TTC12: variants seen among roughly 807,000 people sequenced by gnomAD.
TTC12 encodes tetratricopeptide repeat protein 12.
Under a neutral mutation model 90.1 loss-of-function variants are expected in TTC12, and 70 were observed. The observed-to-expected ratio is 0.78, with a 90% confidence interval of 0.64 to 0.95. The LOEUF (loss-of-function observed/expected upper bound fraction) is 0.95, where lower values mean the gene tolerates loss of function less well. TTC12 is among the 40% of genes least tolerant of loss of function. The pLI, the probability that TTC12 is intolerant of heterozygous loss-of-function variation, is 0.00. For missense variants in TTC12, 819 were observed against 846.1 expected (o/e 0.97, Z 0.40); for synonymous variants, 296 against 311.5 (o/e 0.95, Z 0.53).
chr11:113,319,711 C>G (rs1199798226), intron 2 of TTC12, among the ~76,000 whole-genome samples: 1 of 151,656 alleles, frequency 6.6e-6, no homozygotes. Context: ...CTTTCCCTAC[C>G]TGACATTCAA....
chr11:113,324,974 G>T (rs146056471), intron 5 of TTC12, among the ~76,000 whole-genome samples: 2 of 152,156 alleles, frequency 1.3e-5, no homozygotes, highest in Non-Finnish European at 2.9e-5. Context: ...AGGAAGTAGT[G>T]GGGGGTGAGA....
intron 13 of TTC12, among the ~76,000 whole-genome samples, chr11:113,348,616 A>G (rs1169001837): frequency 6.6e-6 from 1 of 152,180 alleles, no homozygotes; most frequent in Admixed American, 6.5e-5. Context: ...TTCCTACTTA[A>G]CACACTGAAA....
At chr11:113,329,722 C>T (rs958294017) in intron 6 of TTC12, 198 bp from the exon 7 acceptor site, 10 of 645,466 alleles carry the variant, frequency 1.5e-5, no homozygotes, top group Admixed American at 4.2e-5. Context: ...CTGCCTTCAC[C>T]GTGGAAGAGG....
At chr11:113,345,763 TC>T (rs1555147922) in intron 13 of TTC12, among the ~76,000 whole-genome samples, 1 of 152,158 alleles carries the variant, frequency 6.6e-6, no homozygotes, top group East Asian at 1.9e-4. Flanking sequence ...CTCGATACCT[TC>T]ATCGTATTTT....
chr11:113,326,029 C>CT (rs138395777), intron 6 of TTC12, among the ~76,000 whole-genome samples: 2,161 of 152,208 alleles, frequency 0.014, 61 homozygotes, highest in African/African-American at 0.049. Context: ...CTTCAGCCTC[C>CT]TTTTTTGGTA....
intron 8 of TTC12, among the ~76,000 whole-genome samples, chr11:113,336,384 A>G (rs1402518346): frequency 6.6e-6 from 1 of 152,154 alleles, no homozygotes; most frequent in Non-Finnish European, 1.5e-5. Context: ...TTTAAGTTTG[A>G]TAAAGCCTCA....
intron 3 of TTC12, 49 bp from the exon 4 acceptor site, chr11:113,323,945 T>G (rs781818592): frequency 2.0e-6 from 3 of 1,475,800 alleles, no homozygotes; most frequent in African/African-American, 2.8e-5. Context: ...TAAATTAGAG[T>G]GGTTTTTGAA....
At chr11:113,328,000 C>T (rs1440166211) in intron 6 of TTC12, among the ~76,000 whole-genome samples, 2 of 152,332 alleles carry the variant, frequency 1.3e-5, no homozygotes, top group Middle Eastern at 3.4e-3. Context: ...CTTGGATTCC[C>T]TGTGAGTTGC....
At chr11:113,324,054 T>C in intron 4 of TTC12, 39 bp downstream of exon 4, 1 of 1,559,384 alleles carries the variant, frequency 6.4e-7, no homozygotes, top group Non-Finnish European at 8.8e-7. Flanking sequence ...TCATTCTTTA[T>C]ATAGGACCAG....
At position 113,366,347 on chromosome 11, in the gene TTC12, G is replaced by A. The variant is rs200928436; in HGVS notation, c.*47G>A. 8.2e-5 allele frequency: 132 copies of A among 1,609,754 alleles called. 2 individuals are homozygous for A. Among genetic ancestry groups the A allele is most frequent in the East Asian group, 4.5e-4 (20 of 44,866 alleles). ...TTTGGGGAACACACAGATGCACACC[G>A]TGTGTTGTTCCTATGCTAATAAAGA... On this transcript the variant is annotated 3_prime_UTR_variant, in exon 22 of 22. Transcript: ENST00000529221.
At position 113,365,079 on chromosome 11, in the gene TTC12, G is replaced by A. The variant is rs2138088077; in HGVS notation, c.2042+19G>A. The A allele has an allele frequency of 6.2e-7, 1 of 1,608,428 alleles. No homozygotes were observed. The highest frequency in any genetic ancestry group is 8.5e-7 in the Non-Finnish European group (1 of 1,175,650). On this transcript the variant is annotated intron_variant, in intron 21 of 21. Transcript: ENST00000529221. The stretch of plus-strand genomic sequence containing the variant: ...AGCCCAGGTATGCTGTGGACACGGA[G>A]CCAGGCTGACCTATTGCAGAAAGAG...
intron 10 of TTC12, among the ~76,000 whole-genome samples, chr11:113,340,210 A>C (rs996052109): frequency 6.6e-6 from 1 of 152,234 alleles, no homozygotes; most frequent in Admixed American, 6.5e-5. Context: ...GGAGTGTCTG[A>C]CTTCTCTTTA....
chr11:113,325,748 A>G (rs1947648604), intron 6 of TTC12, 103 bp downstream of exon 6: 6 of 1,468,394 alleles, frequency 4.1e-6, no homozygotes, highest in South Asian at 1.3e-5. Flanking sequence ...GGAAATGTTT[A>G]TAAGAACTGG....
chr11:113,373,190 C>G, exon 22 of TTC12: 1 of 985,354 alleles, frequency 1.0e-6, no homozygotes, highest in Non-Finnish European at 1.2e-6. Flanking sequence ...ACTCAACCAC[C>G]CCACTCCACA....
intron 17 of TTC12, 140 bp downstream of exon 17, chr11:113,359,601 G>A: frequency 1.5e-6 from 1 of 656,716 alleles, no homozygotes; most frequent in Non-Finnish European, 2.7e-6. Flanking sequence ...AGGCTGGAGG[G>A]ATGCGCTCTC....
chr11:113,346,260 A>G (rs1555148102), intron 13 of TTC12, among the ~76,000 whole-genome samples: 1 of 152,034 alleles, frequency 6.6e-6, no homozygotes, highest in Non-Finnish European at 1.5e-5. Context: ...GACCCAGGAA[A>G]GTTATTTAGC....
intron 14 of TTC12, among the ~76,000 whole-genome samples, chr11:113,350,622 GTTGTT>G (rs1160541065): frequency 6.6e-6 from 1 of 152,212 alleles, no homozygotes; most frequent in Non-Finnish European, 1.5e-5. Context: ...ATGGCTTTGT[GTTGTT>G]TTGTTTTGTT....
rs557282046 is a variant in TTC12, at chr11:113,339,639, G to T, written c.826+165G>T. The T allele has an allele frequency of 3.6e-5, 22 of 607,040 alleles. No homozygotes were observed. In the East Asian group the frequency reaches 6.1e-4, roughly 17 times the overall value. The allele number at this position is 607,040 out of a possible 1,614,324, so 37.6% of individuals were successfully genotyped here. ...AAGGGGTGCACAAGAAATGTCCTCC[G>T]ACTTCTGCTCCATCCTCTCTACAGA... is the stretch of plus-strand genomic sequence containing the variant. On this transcript the variant is annotated intron_variant, in intron 10 of 21. Coordinates refer to ENST00000529221, the MANE Select transcript of TTC12 (RefSeq NM_017868.4).
chr11:113,336,366 C>T (rs1223588401), intron 8 of TTC12, among the ~76,000 whole-genome samples: 1 of 152,128 alleles, frequency 6.6e-6, no homozygotes, highest in Non-Finnish European at 1.5e-5. Context: ...CTTTGCGGCA[C>T]AAAAATGTTT....
Sources: gnomAD v4.1 joint callset for allele counts (sites outside exome capture counted in the v4.1 genomes callset) on GRCh38, gnomAD v4.1.1 for gene constraint, MANE v1.5 for transcripts, NCBI Gene and HGNC (gene_info 2026-07-23, HGNC 2026-07-21) for gene names.